Variants in SMURF2 observed in about 807,000 individuals in gnomAD.
The protein encoded by SMURF2 is E3 ubiquitin-protein ligase SMURF2.
Under a neutral mutation model 109.6 loss-of-function variants are expected in SMURF2, and 48 were observed. That is an observed-to-expected ratio of 0.44 (90% CI 0.35 to 0.56). SMURF2 has a LOEUF of 0.56. Among genes scored for constraint, SMURF2 ranks in the 20% least tolerant of loss-of-function variants. SMURF2 has a pLI of 0.01. For missense variants in SMURF2, 575 were observed against 909.0 expected, an observed-to-expected ratio of 0.63 and a Z score of 4.72; for synonymous variants, 288 against 317.1, an observed-to-expected ratio of 0.91 and a Z score of 0.97.
chr17:64,613,547 A>C (rs549429088), intron 1 of SMURF2, among the ~76,000 whole-genome samples: 1 of 142,760 alleles, frequency 7.0e-6, no homozygotes, highest in South Asian at 2.1e-4. Context: ...GTAACAGGAG[A>C]GAAATCTTGT....
At chr17:64,657,646 G>GT (rs1970722321) in intron 1 of SMURF2, among the ~76,000 whole-genome samples, 1 of 151,748 alleles carries the variant, frequency 6.6e-6, no homozygotes, top group African/African-American at 2.4e-5. Flanking sequence ...CAAGGCTGCA[G>GT]TAAGCCGGGA....
Position 64,652,359 on chromosome 17 carries a change from G to C in SMURF2, c.52+9470C>G, listed in dbSNP as rs529422671. Among the ~76,000 whole-genome samples, 12 of 152,302 alleles carry C rather than the reference G, an allele frequency of 7.9e-5. No homozygotes were observed. In the East Asian group the frequency reaches 1.9e-3, roughly 24 times the overall value. The stretch of plus-strand genomic sequence containing the variant: ...AATCAAAGACTCAATTTGTTTGAAA[G>C]CTGCTTTATTTTAAAGCTATAGTAA... On this transcript the variant is annotated intron_variant, in intron 1 of 18. Coordinates refer to ENST00000262435, the MANE Select transcript of SMURF2 (RefSeq NM_022739.4).
In SMURF2 at chr17:64,542,740, TGTAAA is replaced by T. The variant is rs1376443425; in HGVS notation, c.*3103_*3107del. On this transcript the variant is annotated 3_prime_UTR_variant, in exon 19 of 19. Coordinates refer to ENST00000262435, the MANE Select transcript of SMURF2 (RefSeq NM_022739.4). The stretch of plus-strand genomic sequence containing the variant: ...GAAATTCAAAGCCCAGATTTAGTGT[TGTAAA>T]GTAAAGCGAATTACATTGTATTTGA... The T allele has an allele frequency of 2.6e-5, 4 of 152,324 alleles. No individual in the cohort carries two copies. The highest frequency in any genetic ancestry group is 2.1e-4 in the South Asian group (1 of 4,830). 9.4% of individuals were successfully genotyped at this position (152,324 alleles called of 1,614,324 possible). A position where few individuals can be genotyped will look rare whatever the true frequency, so the allele number is the denominator to read the frequency against.
intron 2 of SMURF2, among the ~76,000 whole-genome samples, chr17:64,602,070 C>T (rs1555688635): frequency 6.6e-6 from 1 of 151,810 alleles, no homozygotes; most frequent in Admixed American, 6.6e-5. Context: ...AGTGAAGTAA[C>T]TCAAGAATGG....
chr17:64,573,332 C>T (rs1160759775), intron 9 of SMURF2, among the ~76,000 whole-genome samples: 1 of 149,488 alleles, frequency 6.7e-6, no homozygotes, highest in African/African-American at 2.5e-5. Flanking sequence ...TAAATTGTAA[C>T]AGATAATTAT....
intron 16 of SMURF2, among the ~76,000 whole-genome samples, chr17:64,549,052 G>A (rs573565059): frequency 1.3e-5 from 2 of 152,112 alleles, no homozygotes; most frequent in Non-Finnish European, 2.9e-5. Context: ...GGGAGGACGA[G>A]GCATGCAGAT....
intron 1 of SMURF2, among the ~76,000 whole-genome samples, chr17:64,619,478 CAA>C (rs552413988): frequency 3.4e-4 from 12 of 34,914 alleles, no homozygotes; most frequent in African/African-American, 4.4e-4. Flanking sequence ...ACTCTTGTCT[CAA>C]AAAAAAAAAA....
Position 64,606,612 on chromosome 17 carries a change from C to T in SMURF2, c.81G>A (p.Lys27=). The T allele has an allele frequency of 1.9e-6, 3 of 1,542,616 alleles. No individual in the cohort carries two copies. Among genetic ancestry groups the T allele is most frequent in the Non-Finnish European group, 2.6e-6 (3 of 1,137,872 alleles). Residue 27 remains lysine (K), a synonymous_variant, in exon 2 of 19, where the codon AAG becomes AAA. Coordinates refer to ENST00000262435, the MANE Select transcript of SMURF2 (RefSeq NM_022739.4). The part of the protein sequence containing the change: ...TVLCAKNLVK[K]DFFRLPDPFA... ...AGTTAATTTACTTACGGAAAAAATCCTTTTTCACCAGGTTTTTTGCACAGA... is the reference window on the plus strand; with the variant it reads ...AGTTAATTTACTTACGGAAAAAATCTTTTTTCACCAGGTTTTTTGCACAGA...
Position 64,567,738 on chromosome 17 carries a change from A to G in SMURF2, c.1016+4060T>C, listed in dbSNP as rs2144615320. ...GGCTCTATCACCCAGGCTGGAATGT[A>G]GTGGTGTGATCTTGGCTCACTGCAA... On this transcript the variant is annotated intron_variant, in intron 10 of 18. Coordinates refer to ENST00000262435, the MANE Select transcript of SMURF2 (RefSeq NM_022739.4). Among the ~76,000 whole-genome samples the G allele has an allele frequency of 2.0e-5, 3 of 152,178 alleles. No homozygotes were observed. In the South Asian group the frequency reaches 6.2e-4, roughly 32 times the overall value.
At chr17:64,630,759 T>C (rs1310707148) in intron 1 of SMURF2, among the ~76,000 whole-genome samples, 8 of 152,210 alleles carry the variant, frequency 5.3e-5, no homozygotes, top group Non-Finnish European at 1.2e-4. Context: ...CAAGTTCCTA[T>C]ACAAACTTCT....
In SMURF2 at chr17:64,565,249, G is replaced by GA. The variant is rs1386345870; in HGVS notation, c.1017-2284dup. Among the ~76,000 whole-genome samples the GA allele has an allele frequency of 1.3e-4, 19 of 149,556 alleles. No individual in the cohort carries two copies. The South Asian group carries it at 1.3e-3, about 10-fold the overall frequency. ...AACTATTGTTCCTGATGCACTCAGG[G>GA]AAAAAAAAAATCTAACTACCCAATA... On this transcript the variant is annotated intron_variant, in intron 10 of 18. Transcript: ENST00000262435.
chr17:64,559,466 C>T (rs1452352273), intron 12 of SMURF2, among the ~76,000 whole-genome samples: 7 of 151,736 alleles, frequency 4.6e-5, no homozygotes, highest in African/African-American at 1.5e-4. Context: ...TGGTTGTATG[C>T]GCCTGTAGTC....
At chr17:64,656,902 T>TC (rs933854875) in intron 1 of SMURF2, among the ~76,000 whole-genome samples, 3 of 151,930 alleles carry the variant, frequency 2.0e-5, no homozygotes, top group Admixed American at 2.0e-4. Context: ...CTGCAATGGT[T>TC]CCCCCCACCT....
At chr17:64,602,399 G>A (rs1453417400) in intron 2 of SMURF2, among the ~76,000 whole-genome samples, 3 of 152,036 alleles carry the variant, frequency 2.0e-5, no homozygotes, top group African/African-American at 4.8e-5. Flanking sequence ...TAATTAAGTA[G>A]GAAAGTCACA....
intron 10 of SMURF2, among the ~76,000 whole-genome samples, chr17:64,571,325 TACTC>T (rs1427365342): frequency 1.3e-5 from 2 of 152,202 alleles, no homozygotes; most frequent in Non-Finnish European, 2.9e-5. Context: ...AGGTTTAAAA[TACTC>T]ATATCAGAGT....
intron 1 of SMURF2, among the ~76,000 whole-genome samples, chr17:64,639,985 A>C (rs533531472): frequency 6.6e-6 from 1 of 152,374 alleles, no homozygotes; most frequent in South Asian, 2.1e-4. Flanking sequence ...TATAACAAAT[A>C]TACCATACTA....
At chr17:64,650,484 C>T (rs1410277244) in intron 1 of SMURF2, among the ~76,000 whole-genome samples, 14 of 152,016 alleles carry the variant, frequency 9.2e-5, no homozygotes, top group Admixed American at 8.5e-4. Flanking sequence ...AACTAGGATA[C>T]GAACTCACAT....
At chr17:64,648,083 A>AC (rs1250100226) in intron 1 of SMURF2, among the ~76,000 whole-genome samples, 4 of 149,282 alleles carry the variant, frequency 2.7e-5, no homozygotes, top group East Asian at 2.0e-4. Context: ...AAAAAAAAAA[A>AC]AAAAAAAAAC....
intron 1 of SMURF2, among the ~76,000 whole-genome samples, chr17:64,608,691 C>G (rs1687268449): frequency 3.3e-5 from 5 of 152,072 alleles, no homozygotes; most frequent in Admixed American, 3.3e-4. Context: ...AACATGAGAT[C>G]TCCTCCAACT....
Sources: allele counts gnomAD v4.1 joint callset (sites outside exome capture counted in the v4.1 genomes callset), GRCh38; gene constraint gnomAD v4.1.1; transcripts MANE v1.5; gene names NCBI Gene and HGNC (gene_info 2026-07-23, HGNC 2026-07-21).